IPO8: variants seen among roughly 807,000 people sequenced by gnomAD.
The protein encoded by IPO8 is importin-8.
IPO8 carries 65 observed loss-of-function variants against 141.2 expected under a neutral mutation model. That is an observed-to-expected ratio of 0.46 (90% CI 0.38 to 0.57). The LOEUF (loss-of-function observed/expected upper bound fraction) is 0.57. IPO8 is among the 20% of genes least tolerant of loss of function. The pLI is 0.00. For synonymous variants in IPO8, 411 were observed against 420.3 expected, an observed-to-expected ratio of 0.98 and a Z score of 0.27; for missense variants, 980 against 1,246.8, an observed-to-expected ratio of 0.79 and a Z score of 3.22.
chr12:30,631,227 C>G (rs1192271529), intron 24 of IPO8, among the ~76,000 whole-genome samples: 3 of 152,128 alleles, frequency 2.0e-5, no homozygotes, highest in Non-Finnish European at 4.4e-5. Flanking sequence ...GTCTCTACTG[C>G]TGAAAGGGGG....
Position 30,695,703 on chromosome 12 carries a change from GTTTTC to G in IPO8, c.-61_-57del. The G allele has an allele frequency of 1.3e-6, 2 of 1,518,178 alleles. No homozygotes were observed. Among genetic ancestry groups the G allele is most frequent in the African/African-American group, 1.4e-5 (1 of 72,528 alleles). The allele number at this position is 1,518,178 out of a possible 1,614,324, so 94.0% of individuals were successfully genotyped here. A position where few individuals can be genotyped will look rare whatever the true frequency, so the allele number is the denominator to read the frequency against. The stretch of plus-strand genomic sequence containing the variant: ...AACAGTAGGCCGGACTGCAGCTTTA[GTTTTC>G]TTTTGACCCTCTCAGCCTCCTCTTC... On this transcript the variant is annotated 5_prime_UTR_variant, in exon 1 of 25. Transcript: ENST00000256079. The surrounding 1 kb of genome is among the most constrained non-coding windows in gnomAD (Gnocchi z 4.2).
At chr12:30,631,033 G>GAATCTGGCTCCTTT in intron 24 of IPO8, 76 bp from the exon 25 acceptor site, 1 of 1,031,412 alleles carries the variant, frequency 9.7e-7, no homozygotes, top group Non-Finnish European at 1.5e-6. Context: ...ATGACTCAAA[G>GAATCTGGCTCCTTT]GAGCCAGATT....
chr12:30,654,253 G>GA (rs1173685321), intron 17 of IPO8, among the ~76,000 whole-genome samples: 1 of 147,294 alleles, frequency 6.8e-6, no homozygotes, highest in Admixed American at 6.8e-5. Flanking sequence ...AAAACTACTA[G>GA]AAAAAAACAC....
In IPO8 at chr12:30,695,105, C is replaced by T. The variant is rs191676766; in HGVS notation, c.84+459G>A. Reference sequence around the variant, plus strand: ...TCGGTGTCAAAACAGTCCTGCCAACCCGACAGGAGGAGGCGGTGGGCAGCG... The same window carrying T: ...TCGGTGTCAAAACAGTCCTGCCAACTCGACAGGAGGAGGCGGTGGGCAGCG... On this transcript the variant is annotated intron_variant, in intron 1 of 24. Coordinates refer to ENST00000256079, the MANE Select transcript of IPO8 (RefSeq NM_006390.4). This position sits in a 1 kb window ranked among gnomAD's most constrained non-coding sequence, Gnocchi z 4.2. 12 of 444,044 alleles carry T rather than the reference C, an allele frequency of 2.7e-5. No individual in the cohort carries two copies. The Admixed American group carries it at 3.0e-4, about 11-fold the overall frequency. 27.5% of individuals were successfully genotyped at this position (444,044 alleles called of 1,614,324 possible). A position where few individuals can be genotyped will look rare whatever the true frequency, so the allele number is the denominator to read the frequency against.
chr12:30,632,226 G>A (rs897446217), intron 23 of IPO8, among the ~76,000 whole-genome samples: 1 of 152,136 alleles, frequency 6.6e-6, no homozygotes, highest in Non-Finnish European at 1.5e-5. Context: ...TCAAAGGAAG[G>A]TTAGGACATT....
chr12:30,663,802 T>C, intron 13 of IPO8, 148 bp from the exon 14 acceptor site: 1 of 494,680 alleles, frequency 2.0e-6, no homozygotes, highest in Non-Finnish European at 3.2e-6. Context: ...GTTTCTAACT[T>C]CTACATCCCC....
intron 16 of IPO8, among the ~76,000 whole-genome samples, chr12:30,659,732 G>A (rs2052856901): frequency 6.7e-6 from 1 of 150,332 alleles, no homozygotes; most frequent in African/African-American, 2.5e-5. Flanking sequence ...GCGGGCACCT[G>A]TAGTTCCAGC....
At chr12:30,668,951 C>T (rs972930005) in intron 10 of IPO8, among the ~76,000 whole-genome samples, 2 of 152,180 alleles carry the variant, frequency 1.3e-5, no homozygotes, top group Middle Eastern at 3.2e-3. Flanking sequence ...GATGGCTCAA[C>T]TTGAGCACCC....
At chr12:30,665,361 C>A in intron 12 of IPO8, 52 bp from the exon 13 acceptor site, 1 of 1,015,892 alleles carries the variant, frequency 9.8e-7, no homozygotes, top group South Asian at 1.3e-5. Context: ...ACGTAAGAAT[C>A]ACTTCCTAAT....
At position 30,677,021 on chromosome 12, in the gene IPO8, T is replaced by C. The variant is rs763070649; in HGVS notation, c.640-434A>G. 1.6e-5 allele frequency: 24 copies of C among 1,528,572 alleles called. No homozygotes were observed. The South Asian group carries it at 2.9e-4, about 18-fold the overall frequency. 94.7% of individuals were successfully genotyped at this position (1,528,572 alleles called of 1,614,324 possible). On this transcript the variant is annotated intron_variant, in intron 5 of 24. Transcript: ENST00000256079. Reference sequence around the variant, plus strand: ...GTAGCATAATAACTACAGTCCACTTTGTACTAAACAGATATATGGCTCACC... The same window carrying C: ...GTAGCATAATAACTACAGTCCACTTCGTACTAAACAGATATATGGCTCACC...
At chr12:30,638,892 C>T (rs1007526100) in intron 21 of IPO8, among the ~76,000 whole-genome samples, 2 of 152,062 alleles carry the variant, frequency 1.3e-5, no homozygotes, top group Non-Finnish European at 2.9e-5. Context: ...AGAATGGTCT[C>T]GATCTCCTGA....
intron 8 of IPO8, among the ~76,000 whole-genome samples, chr12:30,671,976 T>C (rs920864497): frequency 1.3e-5 from 2 of 152,162 alleles, no homozygotes; most frequent in Non-Finnish European, 2.9e-5. Flanking sequence ...AATTTTCTTT[T>C]ATAATCTCAG....
In IPO8 at chr12:30,695,670, G is replaced by A; in HGVS notation, c.-23C>T. On this transcript the variant is annotated 5_prime_UTR_variant, in exon 1 of 25. Coordinates refer to ENST00000256079, the MANE Select transcript of IPO8 (RefSeq NM_006390.4). This position sits in a 1 kb window ranked among gnomAD's most constrained non-coding sequence, Gnocchi z 4.2. ...CATCTCCCCGGGTGGGGGCTCCGCG[G>A]CCCCCGGAACAGTAGGCCGGACTGC... The A allele has an allele frequency of 6.2e-7, 1 of 1,609,074 alleles. No individual in the cohort carries two copies. The highest frequency in any genetic ancestry group is 1.3e-5 in the African/African-American group (1 of 74,894).
At chr12:30,642,223 CTG>C (rs1368221170) in intron 20 of IPO8, among the ~76,000 whole-genome samples, 1 of 151,810 alleles carries the variant, frequency 6.6e-6, no homozygotes, top group Non-Finnish European at 1.5e-5. Context: ...AAAAAAAAAT[CTG>C]TGCATATTAG....
In IPO8 at chr12:30,629,886, C is replaced by T. The variant is rs1421735071; in HGVS notation, c.*974G>A. 6.6e-6 allele frequency: 1 copy of T among 152,092 alleles called. No homozygotes were observed. Among genetic ancestry groups the T allele is most frequent in the Non-Finnish European group, 1.5e-5 (1 of 68,008 alleles). The allele number at this position is 152,092 out of a possible 1,614,324, so 9.4% of individuals were successfully genotyped here. A position where few individuals can be genotyped will look rare whatever the true frequency, so the allele number is the denominator to read the frequency against. On this transcript the variant is annotated 3_prime_UTR_variant, in exon 25 of 25. Transcript: ENST00000256079. ...AAAAAATATTATAAAATGCTTTGGACCCTAGTCCAACATAGCTGGAATGAT... is the reference window on the plus strand; with the variant it reads ...AAAAAATATTATAAAATGCTTTGGATCCTAGTCCAACATAGCTGGAATGAT...
At chr12:30,655,320 T>C (rs2052784211) in intron 17 of IPO8, among the ~76,000 whole-genome samples, 1 of 152,206 alleles carries the variant, frequency 6.6e-6, no homozygotes, top group Non-Finnish European at 1.5e-5. Flanking sequence ...TACTGAAAGA[T>C]GTACTTTTTA....
chr12:30,695,576 G>A lies in IPO8; in HGVS notation c.72C>T (p.Asn24=). The change falls in exon 1 of 25, where the codon AAC becomes AAT. Residue 24 remains asparagine (N), a synonymous_variant. Coordinates refer to ENST00000256079, the MANE Select transcript of IPO8 (RefSeq NM_006390.4). The surrounding 1 kb of genome is among the most constrained non-coding windows in gnomAD (Gnocchi z 4.2). ...ACCCTCTCCTCACCTGGTTGAGCTC[G>A]TTCTCGGCTGCAATCCGCAACTTCG... ...IDPKLRIAAE[N]ELNQSYKIIN... The A allele has an allele frequency of 6.2e-7, 1 of 1,614,008 alleles. No individual in the cohort carries two copies. The highest frequency in any genetic ancestry group is 1.1e-5 in the South Asian group (1 of 91,080).
chr12:30,638,427 A>G (rs531470374), intron 21 of IPO8, among the ~76,000 whole-genome samples: 1 of 152,272 alleles, frequency 6.6e-6, no homozygotes, highest in South Asian at 2.1e-4. Context: ...ACCCTAATCC[A>G]GGCCTCCATC....
rs1331918836 is a variant in IPO8 at position 30,685,510 on chromosome 12, G to C, written c.167-1053C>G. Among the ~76,000 whole-genome samples the C allele has an allele frequency of 2.2e-5, 3 of 138,386 alleles. No homozygotes were observed. The East Asian group carries it at 5.8e-4, about 27-fold the overall frequency. 90.8% of individuals were successfully genotyped at this position (138,386 alleles called of 152,430 possible). ...TAAATACTTATAATGTTGTGTGTGT[G>C]TGTGTGTGTGTGTGTGTGTAAAGAA... On this transcript the variant is annotated intron_variant, in intron 2 of 24. Coordinates refer to ENST00000256079, the MANE Select transcript of IPO8 (RefSeq NM_006390.4).
Sources: allele counts gnomAD v4.1 joint callset (sites outside exome capture counted in the v4.1 genomes callset), GRCh38; gene constraint gnomAD v4.1.1; non-coding constraint Gnocchi (gnomAD v3.1); transcripts MANE v1.5; gene names NCBI Gene and HGNC (gene_info 2026-07-23, HGNC 2026-07-21).